The following MUC5B variants were observed in gnomAD, a reference collection of about 807,000 sequenced individuals.
MUC5B encodes mucin-5B.
MUC5B carries 116 observed loss-of-function variants against 376.9 expected under a neutral mutation model. The ratio of observed to expected loss-of-function variants is 0.31; its 90% CI spans 0.26 to 0.36. The LOEUF (loss-of-function observed/expected upper bound fraction) is 0.36, where lower values mean the gene tolerates loss of function less well. Among genes scored for constraint, MUC5B ranks in the 10% least tolerant of loss-of-function variants. The probability of loss-of-function intolerance (pLI) is 1.00; values close to 1 mark genes in which losing one functional copy is unlikely to be tolerated. For missense variants in MUC5B, 7,165 were observed against 7,769.9 expected, an observed-to-expected ratio of 0.92 and a Z score of 2.93; for synonymous variants, 3,517 against 3,390.9, an observed-to-expected ratio of 1.04 and a Z score of -1.29.
intron 36 of MUC5B, 56 bp from the exon 37 acceptor site, chr11:1,255,327 A>C: frequency 7.3e-7 from 1 of 1,372,478 alleles, no homozygotes; most frequent in Non-Finnish European, 9.9e-7. Flanking sequence ...GCATGCACGC[A>C]CGCACGCAGC....
rs375751408 is a variant in MUC5B at position 1,241,993 on chromosome 11, A to T, written c.5113A>T (p.Ser1705Cys). The change falls in exon 31 of 49, where the codon AGC becomes TGC. Residue 1705 changes from serine to cysteine, a missense_variant. Transcript: ENST00000529681. ...CTCAGCCCTTCCAGGGACGACGGGG[A>T]GCTTGGGCACATGGCGCCCCTCACA... ...TRSALPGTTG[S>C]LGTWRPSQPP... 1.9e-6 allele frequency: 3 copies of T among 1,591,272 alleles called. No homozygotes were observed. In the African/African-American group the frequency reaches 4.0e-5, roughly 21 times the overall value.
rs1164977291 is a variant in MUC5B, at chr11:1,244,901, T to C, written c.8021T>C (p.Met2674Thr). 3 of 1,606,676 alleles carry C rather than the reference T, an allele frequency of 1.9e-6. No individual in the cohort carries two copies. The highest frequency in any genetic ancestry group is 2.7e-5 in the African/African-American group (2 of 73,178). The part of the protein sequence containing the change: ...TTTTTVATGS[M>T]ATPSSSTQTS... Reference sequence around the variant, plus strand: ...ACCACAACTGTGGCCACTGGTTCTATGGCAACACCCTCCTCTAGCACACAG... The same window carrying C: ...ACCACAACTGTGGCCACTGGTTCTACGGCAACACCCTCCTCTAGCACACAG... The change falls in exon 31 of 49, where the codon ATG (methionine) becomes ACG (threonine). Residue 2674 changes from methionine (M) to threonine (T), a missense_variant. Physicochemically the swap from Met to Thr is moderately conservative, Grantham distance 81. This residue lies in a region of MUC5B where 141 missense variants were observed against 111.2 expected (regional missense o/e 1.27). Transcript: ENST00000529681.
Position 1,223,092 on chromosome 11 carries a change from TC to T in MUC5B, c.-28del. The T allele has an allele frequency of 5.8e-6, 4 of 684,568 alleles. No homozygotes were observed. The allele number at this position is 684,568 out of a possible 1,614,324, so 42.4% of individuals were successfully genotyped here. A position where few individuals can be genotyped will look rare whatever the true frequency, so the allele number is the denominator to read the frequency against. ...CCCGGCCCGGCTCCCTCCCTGCCCG[TC>T]CCCGTCCCCCCACCCGTGCCAGCCC... On this transcript the variant is annotated 5_prime_UTR_variant, in exon 1 of 49. Transcript: ENST00000529681.
rs573179683 is a variant in MUC5B, at chr11:1,246,427, G to A, written c.9547G>A (p.Ala3183Thr). Residue 3183 changes from alanine to threonine, a missense_variant, in exon 31 of 49, where the codon GCC (alanine) becomes ACC (threonine). Ala to Thr is a moderately conservative substitution (Grantham distance 58, BLOSUM62 0). This residue lies in a region of MUC5B where 939 missense variants were observed against 770.6 expected (regional missense o/e 1.22). Transcript: ENST00000529681. ...VTVPTGSTAT[A>T]SSTRATAGTL... The stretch of plus-strand genomic sequence containing the variant: ...GGTGCCCACCGGATCCACGGCCACC[G>A]CCTCCTCCACCCGGGCAACTGCTGG... 100 of 1,611,328 alleles carry A rather than the reference G, an allele frequency of 6.2e-5. No homozygotes were observed. Among genetic ancestry groups the A allele is most frequent in the Admixed American group, 3.7e-4 (22 of 59,824 alleles).
chr11:1,238,849 T>G, intron 25 of MUC5B, 22 bp from the exon 26 acceptor site: 1 of 1,544,574 alleles, frequency 6.5e-7, no homozygotes, highest in Non-Finnish European at 8.8e-7. Flanking sequence ...CCGGCTGAGC[T>G]GCACCTTGGC....
intron 9 of MUC5B, 112 bp downstream of exon 9, chr11:1,229,407 C>G: frequency 1.6e-6 from 2 of 1,273,590 alleles, no homozygotes; most frequent in South Asian, 3.0e-5. Flanking sequence ...GAAGGTCCCA[C>G]CAGAGGGCCC....
intron 9 of MUC5B, 101 bp downstream of exon 9, chr11:1,229,396 A>G: frequency 7.4e-7 from 1 of 1,351,374 alleles, no homozygotes; most frequent in Non-Finnish European, 9.9e-7. Context: ...CCCTCATGCC[A>G]GAAGGTCCCA....
intron 11 of MUC5B, 64 bp downstream of exon 11, chr11:1,230,207 C>T: frequency 6.6e-7 from 1 of 1,522,188 alleles, no homozygotes; most frequent in Non-Finnish European, 8.8e-7. Flanking sequence ...GCCACTTCCA[C>T]CCAGGGGAGG....
Position 1,247,019 on chromosome 11 carries a change from G to C in MUC5B, c.10139G>C (p.Ser3380Thr). Reference sequence around the variant, plus strand: ...GGTTCTATGGCAACACCCTCCTCTAGCACACAGACCAGTGGTACTCCCCCA... The same window carrying C: ...GGTTCTATGGCAACACCCTCCTCTACCACACAGACCAGTGGTACTCCCCCA... ...ATGSMATPSS[S>T]TQTSGTPPSL... Residue 3380 changes from serine (S) to threonine (T), a missense_variant, in exon 31 of 49, where the codon AGC becomes ACC. This residue lies in a region of MUC5B where 939 missense variants were observed against 770.6 expected (regional missense o/e 1.22). Coordinates refer to ENST00000529681, the MANE Select transcript of MUC5B (RefSeq NM_002458.3). 4.5e-6 allele frequency: 7 copies of C among 1,551,808 alleles called. No homozygotes were observed. The highest frequency in any genetic ancestry group is 6.1e-6 in the Non-Finnish European group (7 of 1,147,792).
chr11:1,235,571 A>G lies in MUC5B; in HGVS notation c.2880+158A>G, dbSNP rs551894467. The stretch of plus-strand genomic sequence containing the variant: ...AGCCACAAACCAGGGGGCTTAGACA[A>G]CAGAAATGCATTCTCAGTCCTGGAG... On this transcript the variant is annotated intron_variant, in intron 23 of 48. Coordinates refer to ENST00000529681, the MANE Select transcript of MUC5B (RefSeq NM_002458.3). 1.0e-4 allele frequency: 68 copies of G among 652,876 alleles called. No homozygotes were observed. In the South Asian group the frequency reaches 1.2e-3, roughly 11 times the overall value. The allele number at this position is 652,876 out of a possible 1,614,324, so 40.4% of individuals were successfully genotyped here. A position where few individuals can be genotyped will look rare whatever the true frequency, so the allele number is the denominator to read the frequency against.
chr11:1,230,245 T>A, intron 11 of MUC5B, 102 bp downstream of exon 11: 1 of 1,445,522 alleles, frequency 6.9e-7, no homozygotes, highest in Non-Finnish European at 9.3e-7. Flanking sequence ...GAGGGGTGGA[T>A]GTCCCTGCTG....
In MUC5B at chr11:1,251,311, T is replaced by C. The variant is rs1321179164; in HGVS notation, c.14431T>C (p.Ser4811Pro). ...CACCAATTCCACGGCCACACCCTCC[T>C]CCACTCTGGGGACGACCCGGATCCT... ...RATNSTATPS[S>P]TLGTTRILTE... The change falls in exon 31 of 49, where the codon TCC becomes CCC. Residue 4811 changes from serine to proline, a missense_variant. Around this residue, in one of 31 missense-constraint regions of MUC5B, gnomAD observed 730 missense variants for 592.7 expected, o/e 1.23. Coordinates refer to ENST00000529681, the MANE Select transcript of MUC5B (RefSeq NM_002458.3). 6.2e-7 allele frequency: 1 copy of C among 1,610,566 alleles called. No individual in the cohort carries two copies. The highest frequency in any genetic ancestry group is 8.5e-7 in the Non-Finnish European group (1 of 1,177,934).
chr11:1,252,551 C>T lies in MUC5B; in HGVS notation c.15045+27C>T, dbSNP rs372294318. 4.8e-4 allele frequency: 720 copies of T among 1,507,582 alleles called. 2 individuals carry two copies. The African/African-American group carries it at 8.2e-3, about 17-fold the overall frequency. The allele number at this position is 1,507,582 out of a possible 1,614,324, so 93.4% of individuals were successfully genotyped here. A position where few individuals can be genotyped will look rare whatever the true frequency, so the allele number is the denominator to read the frequency against. On this transcript the variant is annotated intron_variant, in intron 32 of 48. Coordinates refer to ENST00000529681, the MANE Select transcript of MUC5B (RefSeq NM_002458.3). ...TGGGCCCCGCCTGCCCTCCACCTCC[C>T]GTGCTGCGTGCACACGGTCTGGGTT...
rs111561750 is a variant in MUC5B at position 1,260,829 on chromosome 11, C to T, written c.17069+101C>T. On this transcript the variant is annotated intron_variant, in intron 48 of 48. Transcript: ENST00000529681. ...GCCTGCTCTGGGTCAGGAGGGCCTA[C>T]GCCAGCTCCAGGAAGGAGGGAAGGG... 952 of 845,858 alleles carry T rather than the reference C, an allele frequency of 1.1e-3. 14 individuals are homozygous for T. The African/African-American group carries it at 0.013, about 11-fold the overall frequency. The allele number at this position is 845,858 out of a possible 1,614,324, so 52.4% of individuals were successfully genotyped here.
chr11:1,225,815 C>T, intron 2 of MUC5B, 78 bp downstream of exon 2: 1 of 1,372,276 alleles, frequency 7.3e-7, no homozygotes, highest in African/African-American at 1.4e-5. Flanking sequence ...CAGGCAGACG[C>T]CTCTCCAAGC....
rs1862664311 is a variant in MUC5B, at chr11:1,250,911, C to T, written c.14031C>T (p.Pro4677=). 1 of 1,591,542 alleles carries T rather than the reference C, an allele frequency of 6.3e-7. No homozygotes were observed. Among genetic ancestry groups the T allele is most frequent in the South Asian group, 1.1e-5 (1 of 89,228 alleles). ...PSSSTQTSGT[P]PSLTTTATTI... ...CTAGCACACAGACCAGTGGTACTCC[C>T]CCATCACTGACCACCACGGCCACTA... is the stretch of plus-strand genomic sequence containing the variant. The change falls in exon 31 of 49, where the codon CCC becomes CCT. Residue 4677 remains proline, a synonymous_variant. Coordinates refer to ENST00000529681, the MANE Select transcript of MUC5B (RefSeq NM_002458.3).
At position 1,251,270 on chromosome 11, in the gene MUC5B, C is replaced by A; in HGVS notation, c.14390C>A (p.Ala4797Asp). The change falls in exon 31 of 49, where the codon GCC becomes GAC. Residue 4797 changes from alanine to aspartate, a missense_variant. Coordinates refer to ENST00000529681, the MANE Select transcript of MUC5B (RefSeq NM_002458.3). The part of the protein sequence containing the change: ...THTSTVLTTT[A>D]TMTRATNSTA... ...ACCTCCACAGTGCTGACCACCACAG[C>A]CACCATGACAAGGGCCACCAATTCC... The A allele has an allele frequency of 6.2e-7, 1 of 1,611,556 alleles. No individual in the cohort carries two copies. Among genetic ancestry groups the A allele is most frequent in the Non-Finnish European group, 8.5e-7 (1 of 1,178,358 alleles).
intron 18 of MUC5B, 45 bp from the exon 19 acceptor site, chr11:1,233,748 G>A (rs757938299): frequency 2.1e-5 from 33 of 1,568,334 alleles, no homozygotes; most frequent in East Asian, 7.0e-5. Flanking sequence ...TGGGGTCTGC[G>A]GGGTGAGGGC....
At chr11:1,260,871 C>T (rs764787737) in intron 48 of MUC5B, 143 bp downstream of exon 48, 10 of 657,660 alleles carry the variant, frequency 1.5e-5, no homozygotes, top group Non-Finnish European at 2.4e-5. Flanking sequence ...CAGCAGGGCT[C>T]CCCCTCTCCA....
Sources: allele counts gnomAD v4.1 joint callset, GRCh38; gene constraint gnomAD v4.1.1; regional missense constraint gnomAD v4.1.1; transcripts MANE v1.5; gene names NCBI Gene and HGNC (gene_info 2026-07-23, HGNC 2026-07-21).